Variants in MAP2K5 observed in about 807,000 individuals in gnomAD.
MAP2K5 encodes the protein dual specificity mitogen-activated protein kinase kinase 5.
In MAP2K5, 49 loss-of-function variants were observed where a neutral mutation model predicts 83.1. The observed-to-expected ratio is 0.59, with a 90% CI of 0.47 to 0.75. The LOEUF (loss-of-function observed/expected upper bound fraction) is 0.75. Among genes scored for constraint, MAP2K5 ranks in the 30% least tolerant of loss-of-function variants. The pLI is 0.00. For missense variants in MAP2K5, 457 were observed against 557.5 expected (o/e 0.82, Z 1.82); for synonymous variants, 202 against 191.8 (o/e 1.05, Z -0.44).
At position 67,780,546 on chromosome 15, in the gene MAP2K5, C is replaced by T. The variant is rs2090312648; in HGVS notation, c.1242+7794C>T. Among the ~76,000 whole-genome samples the T allele has an allele frequency of 6.6e-6, 1 of 152,176 alleles. No homozygotes were observed. Among genetic ancestry groups the T allele is most frequent in the South Asian group, 2.1e-4 (1 of 4,832 alleles). ...ACAAACAAGACATGTATCTGGTTCT[C>T]CAGGAACTCAGAGTAAAGCTGAAGA... On this transcript the variant is annotated intron_variant, in intron 21 of 21. Transcript: ENST00000178640. This position sits in a 1 kb window ranked among gnomAD's most constrained non-coding sequence, Gnocchi z 5.0.
At chr15:67,771,907 A>G (rs16951256) in intron 20 of MAP2K5, among the ~76,000 whole-genome samples, 17,680 of 152,164 alleles carry the variant, frequency 0.12, 1,095 homozygotes, top group African/African-American at 0.14. Flanking sequence ...TCCCATGGAC[A>G]CTCTGAGTTT....
At chr15:67,671,331 A>T (rs1294251018) in intron 13 of MAP2K5, among the ~76,000 whole-genome samples, 1 of 152,240 alleles carries the variant, frequency 6.6e-6, no homozygotes, top group East Asian at 1.9e-4. Context: ...ACTCTGTACC[A>T]GGCACTGTTC....
At chr15:67,765,959 C>T (rs776296490) in intron 19 of MAP2K5, among the ~76,000 whole-genome samples, 15 of 152,148 alleles carry the variant, frequency 9.9e-5, no homozygotes, top group South Asian at 2.1e-4. Context: ...CTTCTTGAAC[C>T]GTTCATTATT....
At position 67,587,501 on chromosome 15, in the gene MAP2K5, C is replaced by G. The variant is rs890111067; in HGVS notation, c.431+588C>G. Among the ~76,000 whole-genome samples the G allele has an allele frequency of 1.3e-5, 2 of 152,158 alleles. No homozygotes were observed. Among genetic ancestry groups the G allele is most frequent in the Admixed American group, 6.5e-5 (1 of 15,272 alleles). Reference sequence around the variant, plus strand: ...AATCCTGCCCTCCTTTAATGTTTGACTTCCTACTCCTTGCCAAATGGTCAT... The same window carrying G: ...AATCCTGCCCTCCTTTAATGTTTGAGTTCCTACTCCTTGCCAAATGGTCAT... On this transcript the variant is annotated intron_variant, in intron 6 of 21. Transcript: ENST00000178640. This position sits in a 1 kb window ranked among gnomAD's most constrained non-coding sequence, Gnocchi z 4.8.
At chr15:67,679,229 A>T (rs2087754646) in intron 13 of MAP2K5, among the ~76,000 whole-genome samples, 1 of 152,080 alleles carries the variant, frequency 6.6e-6, no homozygotes, top group Non-Finnish European at 1.5e-5. Flanking sequence ...TCTGGCCTTT[A>T]TTAGCAAGCT....
chr15:67,573,695 C>T lies in MAP2K5; in HGVS notation c.253-7059C>T, dbSNP rs188626478. 4.2e-3 allele frequency among the ~76,000 whole-genome samples: 635 copies of T among 152,262 alleles called. 3 individuals carry two copies. Among genetic ancestry groups the T allele is most frequent in the Non-Finnish European group, 5.9e-3 (399 of 68,004 alleles). On this transcript the variant is annotated intron_variant, in intron 3 of 21. Transcript: ENST00000178640. The surrounding 1 kb of genome is among the most constrained non-coding windows in gnomAD (Gnocchi z 4.2). ...TAGAGTTAAGGGAACAGGTTAATAG[C>T]ATTTACCAAACAGATTCAGGACTTA...
chr15:67,692,363 G>T, intron 13 of MAP2K5, 116 bp from the exon 14 acceptor site: 1 of 615,604 alleles, frequency 1.6e-6, no homozygotes, highest in South Asian at 2.5e-5. Flanking sequence ...TTGAATTTCG[G>T]ATTGAGCAGA....
intron 4 of MAP2K5, among the ~76,000 whole-genome samples, chr15:67,584,894 C>T (rs1198259662): frequency 6.6e-6 from 1 of 151,588 alleles, no homozygotes; most frequent in African/African-American, 2.4e-5. Flanking sequence ...GACAGCGTTT[C>T]ACCATATTGG....
At chr15:67,730,469 A>G (rs1259004546) in intron 17 of MAP2K5, among the ~76,000 whole-genome samples, 1 of 152,180 alleles carries the variant, frequency 6.6e-6, no homozygotes, top group African/African-American at 2.4e-5. Flanking sequence ...ATAGACTCTT[A>G]GAGTTGGAAG....
In MAP2K5 at chr15:67,543,577, G is replaced by C. The variant is rs1383834684; in HGVS notation, c.135+107G>C. ...TGAGCCAGTGGCAATGGCTACTGCTGGCTTCCTGTGGAGGCAGTTTTATTG... is the reference window on the plus strand; with the variant it reads ...TGAGCCAGTGGCAATGGCTACTGCTCGCTTCCTGTGGAGGCAGTTTTATTG... On this transcript the variant is annotated intron_variant, in intron 1 of 21. Transcript: ENST00000178640. This position sits in a 1 kb window ranked among gnomAD's most constrained non-coding sequence, Gnocchi z 4.3. 45 of 1,314,940 alleles carry C rather than the reference G, an allele frequency of 3.4e-5. 1 individual carries two copies. The highest frequency in any genetic ancestry group is 4.7e-5 in the Non-Finnish European group (44 of 936,934). 81.5% of individuals were successfully genotyped at this position (1,314,940 alleles called of 1,614,324 possible). A position where few individuals can be genotyped will look rare whatever the true frequency, so the allele number is the denominator to read the frequency against.
At chr15:67,551,996 G>A (rs2084519542) in intron 2 of MAP2K5, among the ~76,000 whole-genome samples, 1 of 152,062 alleles carries the variant, frequency 6.6e-6, no homozygotes, top group Admixed American at 6.5e-5. Flanking sequence ...TTGAAAGATA[G>A]GATCTGAAGA....
chr15:67,669,730 T>A (rs190052144), intron 13 of MAP2K5, among the ~76,000 whole-genome samples: 1 of 152,130 alleles, frequency 6.6e-6, no homozygotes, highest in Non-Finnish European at 1.5e-5. Flanking sequence ...GTTGCTTAAA[T>A]TGTTAACAGT....
At chr15:67,773,625 A>G (rs1729478507) in intron 21 of MAP2K5, among the ~76,000 whole-genome samples, 1 of 152,230 alleles carries the variant, frequency 6.6e-6, no homozygotes, top group African/African-American at 2.4e-5. Context: ...TCATCCTTGA[A>G]TATAAAATAA....
At chr15:67,718,622 G>A (rs986786971) in intron 16 of MAP2K5, among the ~76,000 whole-genome samples, 1 of 152,114 alleles carries the variant, frequency 6.6e-6, no homozygotes, top group Non-Finnish European at 1.5e-5. Context: ...AAATTAGCCA[G>A]GCGTGGTGGT....
chr15:67,627,927 C>T, intron 8 of MAP2K5: 1 of 788,724 alleles, frequency 1.3e-6, no homozygotes, highest in Admixed American at 1.8e-5. Context: ...TTTGAAACAA[C>T]CGATGAGAGC....
At chr15:67,805,307 A>G (rs1451878551) in intron 21 of MAP2K5, among the ~76,000 whole-genome samples, 2 of 152,010 alleles carry the variant, frequency 1.3e-5, no homozygotes, top group African/African-American at 2.4e-5. Flanking sequence ...AGGCGGCCTG[A>G]GCATTCTCCT....
rs758298978 is a variant in MAP2K5, at chr15:67,552,400, T to C, written c.184+2318T>C. On this transcript the variant is annotated intron_variant, in intron 2 of 21. Transcript: ENST00000178640. This position sits in a 1 kb window ranked among gnomAD's most constrained non-coding sequence, Gnocchi z 4.2. ...TTTGCTAAGAGCATTCCATGGGTTA[T>C]CTTATTTCTTTTAACCATCACAAGA... is the stretch of plus-strand genomic sequence containing the variant. 7.9e-5 allele frequency among the ~76,000 whole-genome samples: 12 copies of C among 152,178 alleles called. No individual in the cohort carries two copies. Among genetic ancestry groups the C allele is most frequent in the Non-Finnish European group, 1.8e-4 (12 of 68,032 alleles).
At chr15:67,806,304 G>A (rs1436005461) in intron 21 of MAP2K5, among the ~76,000 whole-genome samples, 2 of 152,264 alleles carry the variant, frequency 1.3e-5, no homozygotes, top group Non-Finnish European at 2.9e-5. Flanking sequence ...GACTGGCCGT[G>A]CGAGTGATGC....
rs2141274920 is a variant in MAP2K5, at chr15:67,749,356, CTG to C, written c.1134+756_1134+757del. Among the ~76,000 whole-genome samples, 1 of 152,204 alleles carries C rather than the reference CTG, an allele frequency of 6.6e-6. No homozygotes were observed. The highest frequency in any genetic ancestry group is 1.9e-4 in the East Asian group (1 of 5,190). The stretch of plus-strand genomic sequence containing the variant: ...GAAACATTAACATTTTCTTTAAAAA[CTG>C]AGATTTTTGGGGCTTGGGTTTGCCT... On this transcript the variant is annotated intron_variant, in intron 19 of 21. Transcript: ENST00000178640. This position sits in a 1 kb window ranked among gnomAD's most constrained non-coding sequence, Gnocchi z 4.6.
Sources: gnomAD v4.1 joint callset for allele counts (sites outside exome capture counted in the v4.1 genomes callset) on GRCh38, gnomAD v4.1.1 for gene constraint, Gnocchi (gnomAD v3.1) non-coding constraint, MANE v1.5 for transcripts, NCBI Gene and HGNC (gene_info 2026-07-23, HGNC 2026-07-21) for gene names.